Variants in JAZF1 observed in about 807,000 individuals in gnomAD.
The protein encoded by JAZF1 is JAZF zinc finger 1, also known as juxtaposed with another zinc finger protein 1.
A neutral mutation model predicts 26.4 loss-of-function variants in JAZF1; 8 were observed. The observed-to-expected ratio is 0.30, with a 90% CI of 0.18 to 0.55. The LOEUF is 0.55. Among genes scored for constraint, JAZF1 ranks in the 20% least tolerant of loss-of-function variants. The pLI, the probability that JAZF1 is intolerant of heterozygous loss-of-function variation, is 0.94. For missense variants in JAZF1, 199 were observed against 322.0 expected (o/e 0.62, Z 2.92); for synonymous variants, 126 against 122.3 (o/e 1.03, Z -0.20).
chr7:27,966,646 A>G (rs1766530015), intron 2 of JAZF1, among the ~76,000 whole-genome samples: 1 of 152,184 alleles, frequency 6.6e-6, no homozygotes, highest in African/African-American at 2.4e-5. Flanking sequence ...GAAGCAGGGT[A>G]AGTTTGCAGC....
intron 1 of JAZF1, among the ~76,000 whole-genome samples, chr7:28,156,718 A>G (rs527833146): frequency 6.6e-6 from 1 of 152,288 alleles, no homozygotes; most frequent in South Asian, 2.1e-4. Context: ...CACATCTAAT[A>G]CAATAATCCA....
At chr7:27,993,645 C>A (rs931831542) in intron 1 of JAZF1, among the ~76,000 whole-genome samples, 3 of 152,054 alleles carry the variant, frequency 2.0e-5, no homozygotes, top group Non-Finnish European at 2.9e-5. Context: ...CCTACAGGGT[C>A]TTTCTAGGTG....
chr7:28,083,941 T>C (rs1784175861), intron 1 of JAZF1, among the ~76,000 whole-genome samples: 2 of 152,160 alleles, frequency 1.3e-5, no homozygotes, highest in South Asian at 4.1e-4. Context: ...TTTTACATGT[T>C]ACATTTTATG....
intron 2 of JAZF1, among the ~76,000 whole-genome samples, chr7:27,909,599 A>C (rs1031890422): frequency 7.5e-4 from 113 of 151,450 alleles, no homozygotes; most frequent in African/African-American, 2.7e-3. Context: ...CCCAGCTACT[A>C]GGGAGGCTGA....
At chr7:27,914,501 T>C (rs1229416322) in intron 2 of JAZF1, among the ~76,000 whole-genome samples, 2 of 152,178 alleles carry the variant, frequency 1.3e-5, no homozygotes, top group African/African-American at 4.8e-5. Flanking sequence ...CTGTTTTGTT[T>C]AGGTTTATAT....
intron 1 of JAZF1, among the ~76,000 whole-genome samples, chr7:28,130,200 A>T: frequency 6.6e-6 from 1 of 152,210 alleles, no homozygotes; most frequent in Non-Finnish European, 1.5e-5. Flanking sequence ...ATACATCTAC[A>T]ATATATTCAT....
At chr7:28,095,543 C>T (rs962870619) in intron 1 of JAZF1, among the ~76,000 whole-genome samples, 2 of 152,112 alleles carry the variant, frequency 1.3e-5, no homozygotes, top group Admixed American at 6.5e-5. Flanking sequence ...TCCTTTGACA[C>T]GTGGGGATTA....
intron 2 of JAZF1, among the ~76,000 whole-genome samples, chr7:27,936,168 CCTTTA>C (rs1199932747): frequency 3.3e-5 from 5 of 152,070 alleles, no homozygotes; most frequent in African/African-American, 1.2e-4. Context: ...TTTTTCTTCC[CCTTTA>C]CTTTAGGGAA....
At chr7:27,836,103 C>T (rs1355048302) in intron 4 of JAZF1, among the ~76,000 whole-genome samples, 1 of 152,162 alleles carries the variant, frequency 6.6e-6, no homozygotes, top group Admixed American at 6.5e-5. Context: ...ATCCATAGTC[C>T]ATATTTCCTC....
At chr7:28,174,602 A>T (rs1165890084) in intron 1 of JAZF1, among the ~76,000 whole-genome samples, 1 of 152,234 alleles carries the variant, frequency 6.6e-6, no homozygotes, top group Non-Finnish European at 1.5e-5. Flanking sequence ...GTGTCTGTAC[A>T]TTTCGGTCAC....
At chr7:27,954,007 G>A (rs1357775687) in intron 2 of JAZF1, among the ~76,000 whole-genome samples, 1 of 152,124 alleles carries the variant, frequency 6.6e-6, no homozygotes, top group Non-Finnish European at 1.5e-5. Flanking sequence ...TCCCACCCTG[G>A]TGTCCTGCCA....
At chr7:28,135,207 T>C (rs1782862120) in intron 1 of JAZF1, among the ~76,000 whole-genome samples, 1 of 152,202 alleles carries the variant, frequency 6.6e-6, no homozygotes, top group Non-Finnish European at 1.5e-5. Flanking sequence ...AATGTGAACA[T>C]GTAAACATGG....
At position 27,939,862 on chromosome 7, in the gene JAZF1, G is replaced by A. The variant is rs139350083; in HGVS notation, c.189-44446C>T. 5.4e-4 allele frequency among the ~76,000 whole-genome samples: 82 copies of A among 152,250 alleles called. 3 individuals are homozygous for A. The East Asian group carries it at 0.015, about 27-fold the overall frequency. ...GGTTCTCATCACGGGGTCTACACAT[G>A]ATGTTTATTGGGATGAACACATTGG... On this transcript the variant is annotated intron_variant, in intron 2 of 4. Transcript: ENST00000283928.
chr7:27,978,903 G>A lies in JAZF1; in HGVS notation c.188+13006C>T, dbSNP rs186976838. On this transcript the variant is annotated intron_variant, in intron 2 of 4. Transcript: ENST00000283928. ...TGTATGTGTGTGTGTTTTTTGGGGG[G>A]AGAAAGGCAGGGGAGAGGGGGAGAG... Among the ~76,000 whole-genome samples the A allele has an allele frequency of 1.4e-3, 206 of 151,538 alleles. 2 individuals carry two copies. The highest frequency in any genetic ancestry group is 7.4e-4 in the Non-Finnish European group (50 of 67,876).
intron 1 of JAZF1, among the ~76,000 whole-genome samples, chr7:28,177,068 T>A (rs1195474775): frequency 1.3e-5 from 2 of 152,068 alleles, no homozygotes; most frequent in African/African-American, 4.8e-5. Context: ...GATAACAAAA[T>A]TGATGGAAAA....
At chr7:28,076,709 C>CAAAA (rs34918786) in intron 1 of JAZF1, among the ~76,000 whole-genome samples, 2 of 97,444 alleles carry the variant, frequency 2.1e-5, no homozygotes, top group Non-Finnish European at 4.4e-5. Flanking sequence ...TTCTCTCTCT[C>CAAAA]AAAAAAAAAA....
At chr7:27,838,742 G>A (rs1782866323) in intron 4 of JAZF1, among the ~76,000 whole-genome samples, 1 of 152,206 alleles carries the variant, frequency 6.6e-6, no homozygotes, top group African/African-American at 2.4e-5. Flanking sequence ...TGGGATGTAG[G>A]AGCAGCTCAT....
At chr7:27,889,480 A>G (rs1018444196) in intron 3 of JAZF1, among the ~76,000 whole-genome samples, 1 of 152,260 alleles carries the variant, frequency 6.6e-6, no homozygotes, top group African/African-American at 2.4e-5. Context: ...CAGTAATTCT[A>G]TATCTTCCAA....
At chr7:28,031,674 G>C (rs1783195491) in intron 1 of JAZF1, among the ~76,000 whole-genome samples, 1 of 152,128 alleles carries the variant, frequency 6.6e-6, no homozygotes, top group South Asian at 2.1e-4. Context: ...TCACTTATAA[G>C]TGGGAGCTGA....
Sources: gnomAD v4.1 joint callset for allele counts (sites outside exome capture counted in the v4.1 genomes callset) on GRCh38, gnomAD v4.1.1 for gene constraint, MANE v1.5 for transcripts, NCBI Gene and HGNC (gene_info 2026-07-23, HGNC 2026-07-21) for gene names.